C2CD5: variants seen among roughly 807,000 people sequenced by gnomAD.
The protein encoded by C2CD5 is C2 calcium dependent domain containing 5.
A neutral mutation model predicts 130.3 loss-of-function variants in C2CD5; 109 were observed. The observed-to-expected ratio is 0.84, with a 90% CI of 0.72 to 0.98. The LOEUF (loss-of-function observed/expected upper bound fraction) is 0.98, where lower values mean the gene tolerates loss of function less well. C2CD5 is among the 50% of genes least tolerant of loss of function. The probability of loss-of-function intolerance (pLI) is 0.00; values close to 1 mark genes in which losing one functional copy is unlikely to be tolerated. For missense variants in C2CD5, 996 were observed against 1,261.8 expected, an observed-to-expected ratio of 0.79 and a Z score of 3.19; for synonymous variants, 454 against 429.2, an observed-to-expected ratio of 1.06 and a Z score of -0.71.
chr12:22,533,381 A>G (rs1028372164), intron 3 of C2CD5, among the ~76,000 whole-genome samples: 3 of 152,240 alleles, frequency 2.0e-5, no homozygotes, highest in African/African-American at 7.2e-5. Flanking sequence ...TCTGGGCTAT[A>G]ATAAGCAGTC....
intron 6 of C2CD5, 57 bp downstream of exon 6, chr12:22,524,415 C>T (rs6487309): frequency 0.075 from 113,066 of 1,505,112 alleles, 9,155 homozygotes; most frequent in African/African-American, 0.42. Context: ...CAAAGGAAAG[C>T]AAAAAATTTA....
chr12:22,455,142 T>C (rs368865445), intron 25 of C2CD5, among the ~76,000 whole-genome samples: 1 of 152,148 alleles, frequency 6.6e-6, no homozygotes, highest in Admixed American at 6.6e-5. Flanking sequence ...ATCCTACATA[T>C]AGTTGTATAA....
chr12:22,505,350 C>G (rs549097623), intron 10 of C2CD5, among the ~76,000 whole-genome samples: 45 of 150,822 alleles, frequency 3.0e-4, no homozygotes, highest in African/African-American at 9.8e-4. Flanking sequence ...CTCCACCTCC[C>G]GGGTTCAAGC....
chr12:22,474,754 C>A lies in C2CD5; in HGVS notation c.2040G>T (p.Leu680Phe). ...AATTAGTCCAATGCCACATTACCTC[C>A]AAAACAAAAGCATCTTTTTTCCCAT... is the stretch of plus-strand genomic sequence containing the variant. The part of the protein sequence containing the change: ...LSHGKKDAFV[L>F]EIDDTDAMED... Residue 680 changes from leucine to phenylalanine, a missense_variant, in exon 16 of 27, where the codon TTG becomes TTT. Physicochemically the swap from Leu to Phe is conservative, Grantham distance 22. This residue lies in a region of C2CD5 where 590 missense variants were observed against 631.4 expected (regional missense o/e 0.93). Transcript: ENST00000446597. 6.3e-7 allele frequency: 1 copy of A among 1,595,910 alleles called. No individual in the cohort carries two copies. Among genetic ancestry groups the A allele is most frequent in the Non-Finnish European group, 8.5e-7 (1 of 1,172,224 alleles).
At chr12:22,512,613 G>C in intron 9 of C2CD5, 1 of 1,387,388 alleles carries the variant, frequency 7.2e-7, no homozygotes, top group Non-Finnish European at 9.6e-7. Context: ...ATCAATACAA[G>C]AAATAGGCTC....
chr12:22,489,461 T>G (rs1169517448), intron 12 of C2CD5, among the ~76,000 whole-genome samples: 1 of 152,100 alleles, frequency 6.6e-6, no homozygotes, highest in East Asian at 1.9e-4. Context: ...ATTTGCCACA[T>G]GCTCAGCATT....
chr12:22,536,528 G>A (rs1362925230), intron 2 of C2CD5, among the ~76,000 whole-genome samples: 2 of 152,086 alleles, frequency 1.3e-5, no homozygotes, highest in Non-Finnish European at 2.9e-5. Context: ...CAAATCATGT[G>A]CCCTATAAAT....
At chr12:22,502,509 C>T (rs748632803) in intron 10 of C2CD5, among the ~76,000 whole-genome samples, 7 of 151,992 alleles carry the variant, frequency 4.6e-5, no homozygotes, top group Admixed American at 6.6e-5. Flanking sequence ...TAAGAAAAGT[C>T]ATTGATAATT....
At chr12:22,505,751 G>A (rs1261367577) in intron 10 of C2CD5, among the ~76,000 whole-genome samples, 3 of 152,000 alleles carry the variant, frequency 2.0e-5, no homozygotes, top group South Asian at 2.1e-4. Context: ...ATGCCTACTC[G>A]CTTTTATAAT....
In C2CD5 at chr12:22,518,103, G is replaced by T. The variant is rs372679350; in HGVS notation, c.835C>A (p.His279Asn). The part of the protein sequence containing the change: ...PFNEDPNPNT[H>N]SSGPSTPLKN... ...AGAGGGGTTGAGGGTCCTGATGAGT[G>T]AGTATTGGGATTGGGATCTTCATTG... Residue 279 changes from histidine to asparagine, a missense_variant, in exon 8 of 27, where the codon CAC becomes AAC. By Grantham distance (68) the His-to-Asn change is moderately conservative (BLOSUM62 1). Coordinates refer to ENST00000446597, the MANE Select transcript of C2CD5 (RefSeq NM_001286176.2). 1 of 1,613,754 alleles carries T rather than the reference G, an allele frequency of 6.2e-7. No homozygotes were observed. The highest frequency in any genetic ancestry group is 1.1e-5 in the South Asian group (1 of 91,074).
At position 22,449,096 on chromosome 12, in the gene C2CD5, A is replaced by G. The variant is rs1937993990; in HGVS notation, c.*664T>C. The G allele has an allele frequency of 6.6e-6, 1 of 152,164 alleles. No individual in the cohort carries two copies. The highest frequency in any genetic ancestry group is 1.5e-5 in the Non-Finnish European group (1 of 68,016). The allele number at this position is 152,164 out of a possible 1,614,324, so 9.4% of individuals were successfully genotyped here. ...GTTGCCAGTTATAAAATTATATAAT[A>G]ATCTTTTCCTCCCTCCTTAGAGACA... On this transcript the variant is annotated 3_prime_UTR_variant, in exon 27 of 27. Coordinates refer to ENST00000446597, the MANE Select transcript of C2CD5 (RefSeq NM_001286176.2).
chr12:22,506,935 C>G, intron 9 of C2CD5, 116 bp from the exon 10 acceptor site: 2 of 658,486 alleles, frequency 3.0e-6, no homozygotes, highest in Non-Finnish European at 5.5e-6. Flanking sequence ...AAAGGCCACC[C>G]ATTACACATC....
At position 22,484,752 on chromosome 12, in the gene C2CD5, T is replaced by G. The variant is rs1007799490; in HGVS notation, c.1495A>C (p.Ile499Leu). 1.9e-6 allele frequency: 3 copies of G among 1,607,504 alleles called. No homozygotes were observed. Among genetic ancestry groups the G allele is most frequent in the Non-Finnish European group, 2.5e-6 (3 of 1,177,344 alleles). ...QKVPDVLFTT[I>L]DLPTDATVIG... ...ACTGTTGCATCTGTTGGGAGGTCTA[T>G]AGTTGTAAACAGAACATCAGGAACT... Residue 499 changes from isoleucine to leucine, a missense_variant, in exon 13 of 27, where the codon ATA becomes CTA. By Grantham distance (5) the Ile-to-Leu change is conservative. Around this residue, in one of 9 missense-constraint regions of C2CD5, gnomAD observed 590 missense variants for 631.4 expected, o/e 0.93. Transcript: ENST00000446597.
chr12:22,489,438 A>G (rs896161541), intron 12 of C2CD5, among the ~76,000 whole-genome samples: 7 of 152,106 alleles, frequency 4.6e-5, no homozygotes, highest in African/African-American at 1.7e-4. Context: ...AAATTCCAAA[A>G]AGCAAAACTT....
Position 22,478,439 on chromosome 12 carries a change from A to T in C2CD5, c.1776T>A (p.Pro592=). 6.2e-7 allele frequency: 1 copy of T among 1,613,440 alleles called. No individual in the cohort carries two copies. Among genetic ancestry groups the T allele is most frequent in the Non-Finnish European group, 8.5e-7 (1 of 1,179,458 alleles). Residue 592 remains proline, a synonymous_variant, in exon 15 of 27, where the codon CCT becomes CCA. Coordinates refer to ENST00000446597, the MANE Select transcript of C2CD5 (RefSeq NM_001286176.2). ...TCTTCCCAGCAATCTGAATACCACC[A>T]GGAGTTGGTAAAGCTGCTAAATACA... ...TGVYLAALPT[P]GGIQIAGKTP...
At chr12:22,500,443 A>G (rs1947620067) in intron 10 of C2CD5, among the ~76,000 whole-genome samples, 1 of 152,196 alleles carries the variant, frequency 6.6e-6, no homozygotes, top group Non-Finnish European at 1.5e-5. Flanking sequence ...ATACAAATCT[A>G]TGTGATTCTC....
At chr12:22,472,256 T>C in intron 18 of C2CD5, 30 bp downstream of exon 18, 3 of 1,305,820 alleles carry the variant, frequency 2.3e-6, no homozygotes, top group Non-Finnish European at 3.2e-6. Context: ...TTATGTGTTA[T>C]GTGCTTAAAA....
chr12:22,530,109 TATACACACAC>T (rs1215084606), intron 3 of C2CD5, among the ~76,000 whole-genome samples: 27 of 106,678 alleles, frequency 2.5e-4, no homozygotes, highest in African/African-American at 5.3e-4. Context: ...TATATATATA[TATACACACAC>T]ACACACACAC....
At chr12:22,468,158 C>A (rs566460826) in intron 22 of C2CD5, among the ~76,000 whole-genome samples, 2 of 145,664 alleles carry the variant, frequency 1.4e-5, no homozygotes, top group Non-Finnish European at 3.0e-5. Flanking sequence ...TGAATAAATA[C>A]AAATTTCTGT....
Sources: allele counts gnomAD v4.1 joint callset (sites outside exome capture counted in the v4.1 genomes callset), GRCh38; gene constraint gnomAD v4.1.1; regional missense constraint gnomAD v4.1.1; transcripts MANE v1.5; gene names NCBI Gene and HGNC (gene_info 2026-07-23, HGNC 2026-07-21).